AGBL1: variants seen among roughly 807,000 people sequenced by gnomAD.
AGBL1 encodes the protein AGBL carboxypeptidase 1, also known as cytosolic carboxypeptidase 4.
Under a neutral mutation model 118.9 loss-of-function variants are expected in AGBL1, and 130 were observed. The observed-to-expected ratio is 1.09, with a 90% confidence interval of 0.95 to 1.26. The LOEUF is 1.26. AGBL1 is among the 50% of genes most tolerant of loss of function. AGBL1 has a pLI of 0.00. For synonymous variants in AGBL1, 555 were observed against 478.9 expected (o/e 1.16, Z -2.08); for missense variants, 1,584 against 1,298.1 (o/e 1.22, Z -3.38).
At chr15:86,668,100 C>T (rs996979519) in intron 21 of AGBL1, among the ~76,000 whole-genome samples, 7 of 152,124 alleles carry the variant, frequency 4.6e-5, no homozygotes, top group Admixed American at 1.3e-4. Context: ...ACAATTCACT[C>T]GTTCCCATGG....
chr15:86,429,204 A>G (rs1479730506), intron 18 of AGBL1, among the ~76,000 whole-genome samples: 1 of 152,194 alleles, frequency 6.6e-6, no homozygotes, highest in Non-Finnish European at 1.5e-5. Context: ...CATACTCCGG[A>G]TGGCAAGAAA....
At chr15:86,134,891 G>A (rs989410831) in intron 1 of AGBL1, among the ~76,000 whole-genome samples, 1 of 151,592 alleles carries the variant, frequency 6.6e-6, no homozygotes, top group Non-Finnish European at 1.5e-5. Flanking sequence ...GGGATTACAG[G>A]TGTAAGCCAC....
intron 22 of AGBL1, among the ~76,000 whole-genome samples, chr15:86,896,028 T>G (rs1211984091): frequency 6.6e-6 from 1 of 152,140 alleles, no homozygotes; most frequent in Non-Finnish European, 1.5e-5. Context: ...TTCTTATCTT[T>G]GCTGAACTGT....
chr15:86,673,203 G>A (rs2085777104), intron 21 of AGBL1, among the ~76,000 whole-genome samples: 1 of 152,098 alleles, frequency 6.6e-6, no homozygotes. Flanking sequence ...GATAAATTGA[G>A]CTAATTTTGA....
At chr15:86,123,157 C>T (rs770102690) in intron 1 of AGBL1, among the ~76,000 whole-genome samples, 51 of 152,260 alleles carry the variant, frequency 3.3e-4, no homozygotes, top group Non-Finnish European at 5.7e-4. Flanking sequence ...ACCTTATTAG[C>T]TCTGATAAGA....
chr15:86,939,336 T>A (rs747693408), intron 23 of AGBL1, among the ~76,000 whole-genome samples: 1 of 152,222 alleles, frequency 6.6e-6, no homozygotes, highest in Non-Finnish European at 1.5e-5. Flanking sequence ...ATCTTTCTCC[T>A]GTGCTGCATG....
chr15:86,964,200 T>C (rs894595250), intron 23 of AGBL1, among the ~76,000 whole-genome samples: 1 of 151,990 alleles, frequency 6.6e-6, no homozygotes, highest in African/African-American at 2.4e-5. Flanking sequence ...ACTGTAAAAC[T>C]AGGACTCTTC....
At chr15:86,460,165 A>G (rs1642994906) in intron 18 of AGBL1, among the ~76,000 whole-genome samples, 1 of 151,728 alleles carries the variant, frequency 6.6e-6, no homozygotes, top group Non-Finnish European at 1.5e-5. Flanking sequence ...ATGTCAAGGG[A>G]CAAACTGCAC....
chr15:86,546,021 G>A lies in AGBL1; in HGVS notation c.2705G>A (p.Gly902Asp), dbSNP rs749819403. 1.5e-5 allele frequency: 25 copies of A among 1,612,962 alleles called. No individual in the cohort carries two copies. Among genetic ancestry groups the A allele is most frequent in the Non-Finnish European group, 2.0e-5 (24 of 1,179,388 alleles). Residue 902 changes from glycine to aspartate, a missense_variant, in exon 20 of 23, where the codon GGC (glycine) becomes GAC (aspartate). Gly to Asp is a moderately conservative substitution (Grantham distance 94, BLOSUM62 -1). Coordinates refer to ENST00000614907, the MANE Select transcript of AGBL1 (RefSeq NM_001386094.1). ...RSPVVFCDFH[G>D]HSQKKNVFLY... ...TTGTAGGTTTTCTGTGACTTCCATG[G>A]CCACTCCCAAAAGAAGAATGTGTTC... is the stretch of plus-strand genomic sequence containing the variant.
At chr15:86,895,053 CTTTCT>C (rs2080103408) in intron 22 of AGBL1, among the ~76,000 whole-genome samples, 1 of 144,586 alleles carries the variant, frequency 6.9e-6, no homozygotes, top group Admixed American at 6.8e-5. Context: ...TTTGTTCCTT[CTTTCT>C]TTTATCTTCC....
chr15:86,433,257 C>T (rs1474079699), intron 18 of AGBL1, among the ~76,000 whole-genome samples: 9 of 110,684 alleles, frequency 8.1e-5, no homozygotes, highest in Admixed American at 3.8e-4. Flanking sequence ...CCTCCTCCTC[C>T]TCCTTCTTCT....
intron 21 of AGBL1, among the ~76,000 whole-genome samples, chr15:86,584,497 T>C (rs1233245082): frequency 6.6e-6 from 1 of 152,050 alleles, no homozygotes; most frequent in Non-Finnish European, 1.5e-5. Context: ...GATGGATGTA[T>C]GTGTGTGACT....
chr15:86,829,651 C>A (rs2079076731), intron 22 of AGBL1, among the ~76,000 whole-genome samples: 1 of 152,078 alleles, frequency 6.6e-6, no homozygotes, highest in African/African-American at 2.4e-5. Context: ...TGAGGAATGG[C>A]TGAGCTTGTT....
chr15:86,601,286 C>T (rs2084488931), intron 21 of AGBL1, among the ~76,000 whole-genome samples: 1 of 152,118 alleles, frequency 6.6e-6, no homozygotes, highest in African/African-American at 2.4e-5. Flanking sequence ...TTATCAAATC[C>T]TCAGCCTGGA....
At chr15:86,690,576 G>A (rs2086146604) in intron 22 of AGBL1, among the ~76,000 whole-genome samples, 1 of 152,164 alleles carries the variant, frequency 6.6e-6, no homozygotes, top group South Asian at 2.1e-4. Context: ...AAGTGGCAAG[G>A]AACTGGGATT....
chr15:86,392,634 G>T (rs778043895), intron 17 of AGBL1, among the ~76,000 whole-genome samples: 3 of 152,130 alleles, frequency 2.0e-5, no homozygotes, highest in Non-Finnish European at 2.9e-5. Context: ...CATCACACAT[G>T]TCTTCAGTTT....
Position 86,368,527 on chromosome 15 carries a change from A to G in AGBL1, c.2375-28839A>G, listed in dbSNP as rs558154116. 7.2e-5 allele frequency among the ~76,000 whole-genome samples: 11 copies of G among 152,352 alleles called. 2 individuals carry two copies. In the South Asian group the frequency reaches 2.3e-3, roughly 32 times the overall value. On this transcript the variant is annotated intron_variant, in intron 17 of 22. Transcript: ENST00000614907. ...CAATTAAGAAGTGTGAGAATTAACT[A>G]GTTTGAAATCTTGTAAATGAAAAAA...
chr15:86,154,445 G>A lies in AGBL1; in HGVS notation c.278G>A (p.Arg93Gln), dbSNP rs776148401. ...KVGLRDKKIG[R>Q]KALELEALDV... ...GTGTTCTTAGATAAAAAGATTGGACGGAAGGCCCTAGAATTGGAAGCACTT... is the reference window on the plus strand; with the variant it reads ...GTGTTCTTAGATAAAAAGATTGGACAGAAGGCCCTAGAATTGGAAGCACTT... The change falls in exon 4 of 23, where the codon CGG becomes CAG. Residue 93 changes from arginine to glutamine, a missense_variant. By Grantham distance (43) the Arg-to-Gln change is conservative. Coordinates refer to ENST00000614907, the MANE Select transcript of AGBL1 (RefSeq NM_001386094.1). 1.2e-5 allele frequency: 19 copies of A among 1,612,152 alleles called. No homozygotes were observed. The highest frequency in any genetic ancestry group is 3.3e-5 in the Admixed American group (2 of 59,760).
chr15:86,396,249 A>G (rs1438228861), intron 17 of AGBL1, among the ~76,000 whole-genome samples: 25 of 146,414 alleles, frequency 1.7e-4, no homozygotes, highest in African/African-American at 6.2e-4. Flanking sequence ...GTGTGTATAT[A>G]TATATATATA....
Sources: allele counts gnomAD v4.1 joint callset (sites outside exome capture counted in the v4.1 genomes callset), GRCh38; gene constraint gnomAD v4.1.1; transcripts MANE v1.5; gene names NCBI Gene and HGNC (gene_info 2026-07-23, HGNC 2026-07-21).